Variants in PTPRN2 observed in about 807,000 individuals in gnomAD.
The protein encoded by PTPRN2 is receptor-type tyrosine-protein phosphatase N2.
Under a neutral mutation model 118.8 loss-of-function variants are expected in PTPRN2, and 74 were observed. The observed-to-expected ratio is 0.62, with a 90% CI of 0.52 to 0.76. PTPRN2 has a LOEUF of 0.76. Among genes scored for constraint, PTPRN2 ranks in the 30% least tolerant of loss-of-function variants. PTPRN2 has a pLI of 0.00. For synonymous variants in PTPRN2, 641 were observed against 608.0 expected, an observed-to-expected ratio of 1.05 and a Z score of -0.80; for missense variants, 1,481 against 1,394.4, an observed-to-expected ratio of 1.06 and a Z score of -0.99.
chr7:158,379,114 G>A (rs1385928382), intron 2 of PTPRN2, among the ~76,000 whole-genome samples: 1 of 152,004 alleles, frequency 6.6e-6, no homozygotes, highest in Non-Finnish European at 1.5e-5. Context: ...TGTGTGCATG[G>A]AAGGGGTGGG....
chr7:158,320,674 C>T (rs1802940618), intron 2 of PTPRN2, among the ~76,000 whole-genome samples: 1 of 152,172 alleles, frequency 6.6e-6, no homozygotes, highest in Non-Finnish European at 1.5e-5. Flanking sequence ...ATTTTTTATC[C>T]AATGCATTTT....
At chr7:158,495,482 A>G (rs77072284) in intron 1 of PTPRN2, among the ~76,000 whole-genome samples, 1 of 151,856 alleles carries the variant, frequency 6.6e-6, no homozygotes, top group African/African-American at 2.4e-5. Context: ...CGCCCTGCCC[A>G]CTGCAGGGGG....
rs1317440147 is a variant in PTPRN2, at chr7:157,753,211, T to TC, written c.1789-70275dup. Among the ~76,000 whole-genome samples the TC allele has an allele frequency of 2.6e-5, 4 of 152,192 alleles. No homozygotes were observed. The South Asian group carries it at 8.3e-4, about 32-fold the overall frequency. ...CCACACCCCGCGCAGTGGGCTTCTGTCCCCCGGGCAGTGCCATGTGCCAGG... is the reference window on the plus strand; with the variant it reads ...CCACACCCCGCGCAGTGGGCTTCTGTCCCCCCGGGCAGTGCCATGTGCCAGG... On this transcript the variant is annotated intron_variant, in intron 12 of 22. Transcript: ENST00000389418.
intron 2 of PTPRN2, among the ~76,000 whole-genome samples, chr7:158,392,361 C>T (rs748300865): frequency 4.6e-5 from 7 of 152,172 alleles, no homozygotes; most frequent in Non-Finnish European, 1.5e-5. Context: ...CGTGGCTGAG[C>T]GGCAGGCACA....
rs563781298 is a variant in PTPRN2, at chr7:157,787,690, G to A, written c.1789-104753C>T. 2.4e-4 allele frequency among the ~76,000 whole-genome samples: 37 copies of A among 152,306 alleles called. No individual in the cohort carries two copies. Among genetic ancestry groups the A allele is most frequent in the Middle Eastern group, 6.8e-3 (2 of 294 alleles). Reference sequence around the variant, plus strand: ...CCTGAACACCTGCTCTGTGGGAGACGGGGTGGTGTTTGAGCTGGTGCCATC... The same window carrying A: ...CCTGAACACCTGCTCTGTGGGAGACAGGGTGGTGTTTGAGCTGGTGCCATC... On this transcript the variant is annotated intron_variant, in intron 12 of 22. Transcript: ENST00000389418. This position sits in a 1 kb window ranked among gnomAD's most constrained non-coding sequence, Gnocchi z 5.3.
chr7:158,078,830 A>C (rs1379522313), intron 11 of PTPRN2, among the ~76,000 whole-genome samples: 1 of 152,042 alleles, frequency 6.6e-6, no homozygotes, highest in African/African-American at 2.4e-5. Flanking sequence ...CTTTTTTATA[A>C]TCTCTTGGGT....
intron 2 of PTPRN2, among the ~76,000 whole-genome samples, chr7:158,405,368 G>A (rs1813325340): frequency 6.6e-6 from 1 of 152,202 alleles, no homozygotes; most frequent in African/African-American, 2.4e-5. Context: ...CCAAGCAGAG[G>A]CTTGGTCCAG....
rs537842051 is a variant in PTPRN2, at chr7:157,785,073, C to G, written c.1789-102136G>C. ...TACAGCCGCTGTTTCATCGCGTCGTCATAGGAGTTGAACAAAGCTGTGTGT... is the reference window on the plus strand; with the variant it reads ...TACAGCCGCTGTTTCATCGCGTCGTGATAGGAGTTGAACAAAGCTGTGTGT... On this transcript the variant is annotated intron_variant, in intron 12 of 22. Transcript: ENST00000389418. The surrounding 1 kb of genome is among the most constrained non-coding windows in gnomAD (Gnocchi z 7.3). Among the ~76,000 whole-genome samples the G allele has an allele frequency of 6.6e-6, 1 of 152,170 alleles. No homozygotes were observed. Among genetic ancestry groups the G allele is most frequent in the African/African-American group, 2.4e-5 (1 of 41,522 alleles).
rs143517513 is a variant in PTPRN2 at position 158,141,512 on chromosome 7, C to T, written c.911-2997G>A. On this transcript the variant is annotated intron_variant, in intron 6 of 22. Coordinates refer to ENST00000389418, the MANE Select transcript of PTPRN2 (RefSeq NM_002847.5). ...CGCATGACTTTCCAAACACAAGTGC[C>T]GATGGCCTGTGGTGGGTTCTTTGAG... Among the ~76,000 whole-genome samples, 37 of 152,346 alleles carry T rather than the reference C, an allele frequency of 2.4e-4. 1 individual carries two copies. The highest frequency in any genetic ancestry group is 3.4e-3 in the Middle Eastern group (1 of 294).
At chr7:158,142,115 G>A (rs1305260551) in intron 6 of PTPRN2, among the ~76,000 whole-genome samples, 1 of 152,204 alleles carries the variant, frequency 6.6e-6, no homozygotes, top group African/African-American at 2.4e-5. Flanking sequence ...GACCCTGGGG[G>A]CTGCCCCTCC....
At chr7:158,005,200 G>A (rs113654829) in intron 11 of PTPRN2, among the ~76,000 whole-genome samples, 5 of 151,906 alleles carry the variant, frequency 3.3e-5, no homozygotes, top group African/African-American at 1.2e-4. Context: ...TCAGTCTGCC[G>A]AGTAGCTGGG....
chr7:157,751,516 G>C (rs531257339), intron 12 of PTPRN2, among the ~76,000 whole-genome samples: 1 of 152,172 alleles, frequency 6.6e-6, no homozygotes, highest in South Asian at 2.1e-4. Flanking sequence ...CGCCCACGGA[G>C]TGCGCTCGCT....
Position 158,138,434 on chromosome 7 carries a change from C to T in PTPRN2, c.992G>A (p.Gly331Asp). ...CAGGCCAGCCATCAGCTCAGCCATG[C>T]CGTCCAGCTCCAGGCCACTCAGGCC... ...VRGLSGLELD[G>D]MAELMAGLMQ... The change falls in exon 7 of 23, where the codon GGC becomes GAC. Residue 331 changes from glycine (G) to aspartate (D), a missense_variant. Around this residue, in one of 3 missense-constraint regions of PTPRN2, gnomAD observed 1,115 missense variants for 994.2 expected, o/e 1.12. Transcript: ENST00000389418. 1 of 1,613,378 alleles carries T rather than the reference C, an allele frequency of 6.2e-7. No homozygotes were observed. Among genetic ancestry groups the T allele is most frequent in the Non-Finnish European group, 8.5e-7 (1 of 1,179,926 alleles).
At chr7:158,139,442 A>C (rs906902848) in intron 6 of PTPRN2, among the ~76,000 whole-genome samples, 3 of 152,152 alleles carry the variant, frequency 2.0e-5, no homozygotes, top group African/African-American at 7.2e-5. Flanking sequence ...GACGTTCTGC[A>C]GAACCTCAGT....
At chr7:158,338,212 C>A (rs1299073656) in intron 2 of PTPRN2, among the ~76,000 whole-genome samples, 3 of 72,234 alleles carry the variant, frequency 4.2e-5, no homozygotes, top group Admixed American at 1.4e-4. Context: ...TCACTCACAC[C>A]CACACTCTCA....
In PTPRN2 at chr7:157,590,104, G is replaced by A. The variant is rs1225282696; in HGVS notation, c.2496+5134C>T. Among the ~76,000 whole-genome samples, 1 of 152,202 alleles carries A rather than the reference G, an allele frequency of 6.6e-6. No homozygotes were observed. Among genetic ancestry groups the A allele is most frequent in the African/African-American group, 2.4e-5 (1 of 41,440 alleles). The stretch of plus-strand genomic sequence containing the variant: ...CAGAATGACCAGCAGAGAGGACGGT[G>A]GACATGTTTCTTCCTAAGATCTTGA... On this transcript the variant is annotated intron_variant, in intron 17 of 22. Coordinates refer to ENST00000389418, the MANE Select transcript of PTPRN2 (RefSeq NM_002847.5). The surrounding 1 kb of genome is among the most constrained non-coding windows in gnomAD (Gnocchi z 4.0).
chr7:158,218,591 A>G lies in PTPRN2; in HGVS notation c.278-13318T>C, dbSNP rs1828125674. On this transcript the variant is annotated intron_variant, in intron 3 of 22. Coordinates refer to ENST00000389418, the MANE Select transcript of PTPRN2 (RefSeq NM_002847.5). ...GATTAAATCCTTACATATCAATATT[A>G]ACCTTGAATGTAAACAGGCTAAACA... Among the ~76,000 whole-genome samples, 4 of 152,200 alleles carry G rather than the reference A, an allele frequency of 2.6e-5. 1 individual carries two copies. The South Asian group carries it at 8.3e-4, about 31-fold the overall frequency.
intron 2 of PTPRN2, among the ~76,000 whole-genome samples, chr7:158,421,308 T>C (rs973905734): frequency 6.6e-6 from 1 of 152,198 alleles, no homozygotes; most frequent in Non-Finnish European, 1.5e-5. Context: ...TGGTAGGAAA[T>C]GAACATGTAA....
intron 11 of PTPRN2, among the ~76,000 whole-genome samples, chr7:158,070,514 G>A (rs1461075515): frequency 7.2e-6 from 1 of 138,050 alleles, no homozygotes; most frequent in Admixed American, 7.2e-5. Context: ...GGTGGTGGAG[G>A]TGCTCCTGGT....
Sources: gnomAD v4.1 joint callset for allele counts (sites outside exome capture counted in the v4.1 genomes callset) on GRCh38, gnomAD v4.1.1 for gene constraint, gnomAD v4.1.1 regional missense constraint, Gnocchi (gnomAD v3.1) non-coding constraint, MANE v1.5 for transcripts, NCBI Gene and HGNC (gene_info 2026-07-23, HGNC 2026-07-21) for gene names.